The following LRBA variants were observed in gnomAD, a reference collection of about 807,000 sequenced individuals.
LRBA encodes lipopolysaccharide-responsive and beige-like anchor protein.
LRBA carries 176 observed loss-of-function variants against 330.0 expected under a neutral mutation model. The observed-to-expected ratio is 0.53, with a 90% CI of 0.47 to 0.60. LRBA has a LOEUF of 0.60. LRBA is among the 20% of genes least tolerant of loss of function. The pLI is 0.00. For missense variants in LRBA, 3,259 were observed against 3,444.8 expected (o/e 0.95, Z 1.35); for synonymous variants, 1,230 against 1,193.0 (o/e 1.03, Z -0.64).
chr4:150,615,342 C>A (rs992229459), intron 37 of LRBA, among the ~76,000 whole-genome samples: 1 of 152,114 alleles, frequency 6.6e-6, no homozygotes, highest in Non-Finnish European at 1.5e-5. Flanking sequence ...CATGTTTTAA[C>A]GTGATCACTC....
chr4:150,587,301 C>A (rs1006500750), intron 40 of LRBA, among the ~76,000 whole-genome samples: 1 of 152,126 alleles, frequency 6.6e-6, no homozygotes, highest in Admixed American at 6.5e-5. Flanking sequence ...TATCAGCCTG[C>A]AAAATAAATT....
chr4:150,908,681 T>C lies in LRBA; in HGVS notation c.1338A>G (p.Ser446=), dbSNP rs767470367. The C allele has an allele frequency of 6.2e-7, 1 of 1,613,780 alleles. No homozygotes were observed. The highest frequency in any genetic ancestry group is 8.5e-7 in the Non-Finnish European group (1 of 1,179,800). The change falls in exon 10 of 57, where the codon TCA becomes TCG. Residue 446 remains serine (S), a synonymous_variant. Coordinates refer to ENST00000651943, the MANE Select transcript of LRBA (RefSeq NM_001364905.1). The part of the protein sequence containing the change: ...PKDNPSIFVH[S]PHALMLQDVK... ...GTACCTGGAGCATGAGTGCATGTGG[T>C]GAATGAACAAAAATTGAAGGGTTGT...
chr4:150,500,673 G>C (rs1399055221), intron 40 of LRBA, among the ~76,000 whole-genome samples: 1 of 152,212 alleles, frequency 6.6e-6, no homozygotes, highest in Non-Finnish European at 1.5e-5. Flanking sequence ...AGACTATTCT[G>C]TGTAGCAGAT....
At chr4:150,334,527 T>C (rs1734382432) in intron 48 of LRBA, among the ~76,000 whole-genome samples, 1 of 152,122 alleles carries the variant, frequency 6.6e-6, no homozygotes, top group East Asian at 1.9e-4. Context: ...ACACATATAC[T>C]TACATGTGTT....
chr4:150,502,168 A>T (rs116967393), intron 40 of LRBA, among the ~76,000 whole-genome samples: 15 of 152,220 alleles, frequency 9.9e-5, no homozygotes, highest in African/African-American at 3.4e-4. Context: ...GAATCATCCT[A>T]AGAAATTACA....
chr4:150,972,817 T>G (rs898036812), intron 2 of LRBA, among the ~76,000 whole-genome samples: 2 of 152,230 alleles, frequency 1.3e-5, no homozygotes, highest in African/African-American at 4.8e-5. Flanking sequence ...TGCCTGAAAT[T>G]TCATCCAGTA....
At position 150,325,866 on chromosome 4, in the gene LRBA, C is replaced by T; in HGVS notation, c.7395G>A (p.Gln2465=). 1 of 1,613,430 alleles carries T rather than the reference C, an allele frequency of 6.2e-7. No individual in the cohort carries two copies. The highest frequency in any genetic ancestry group is 8.5e-7 in the Non-Finnish European group (1 of 1,179,634). The change falls in exon 49 of 57, where the codon CAG becomes CAA. Residue 2465 remains glutamine, a synonymous_variant. Transcript: ENST00000651943. ...AVEAQIRSFG[Q]TPSQLLIEPH... ...GCTCTATGAGTAGTTGAGAAGGAGT[C>T]TGTCCAAAACTTCGGATTTGAGCTT... is the stretch of plus-strand genomic sequence containing the variant.
chr4:150,949,656 T>C (rs1736614226), intron 2 of LRBA, among the ~76,000 whole-genome samples: 1 of 152,088 alleles, frequency 6.6e-6, no homozygotes, highest in South Asian at 2.1e-4. Flanking sequence ...GTATAAATTG[T>C]CACAGGATTA....
intron 2 of LRBA, among the ~76,000 whole-genome samples, chr4:150,941,346 T>A (rs1735658301): frequency 6.6e-6 from 1 of 151,680 alleles, no homozygotes; most frequent in African/African-American, 2.4e-5. Flanking sequence ...AGAGACAGGG[T>A]TTCACCATTT....
chr4:150,380,447 G>A (rs1581160527), intron 47 of LRBA, among the ~76,000 whole-genome samples: 2 of 152,058 alleles, frequency 1.3e-5, no homozygotes, highest in African/African-American at 2.4e-5. Flanking sequence ...GGATCACCTA[G>A]GGAGTTATTC....
intron 47 of LRBA, among the ~76,000 whole-genome samples, chr4:150,355,442 A>C (rs1436077736): frequency 6.6e-6 from 1 of 152,120 alleles, no homozygotes; most frequent in Non-Finnish European, 1.5e-5. Context: ...TAAAAAAAGA[A>C]ACTAAATAAA....
intron 40 of LRBA, among the ~76,000 whole-genome samples, chr4:150,562,943 G>T (rs1227380755): frequency 6.6e-6 from 1 of 151,984 alleles, no homozygotes; most frequent in Non-Finnish European, 1.5e-5. Flanking sequence ...GGGACTACAG[G>T]CACACACTAC....
At chr4:150,581,728 T>C (rs1261212716) in intron 40 of LRBA, 2 of 152,716 alleles carry the variant, frequency 1.3e-5, no homozygotes, top group African/African-American at 4.8e-5. Flanking sequence ...CTCCTCCTAT[T>C]TTCTTACTTC....
intron 43 of LRBA, among the ~76,000 whole-genome samples, chr4:150,471,170 C>T (rs997757633): frequency 2.0e-5 from 3 of 152,116 alleles, no homozygotes; most frequent in African/African-American, 7.2e-5. Flanking sequence ...ACCATTCTTG[C>T]TCTCTAGGTA....
intron 37 of LRBA, among the ~76,000 whole-genome samples, chr4:150,638,736 C>A (rs1349815532): frequency 7.3e-6 from 1 of 136,536 alleles, no homozygotes; most frequent in African/African-American, 2.8e-5. Flanking sequence ...GAAATAGGAA[C>A]ACTTTTACAC....
intron 28 of LRBA, among the ~76,000 whole-genome samples, chr4:150,833,123 T>G (rs1032943442): frequency 6.6e-6 from 1 of 151,632 alleles, no homozygotes; most frequent in Non-Finnish European, 1.5e-5. Context: ...CAATTATATA[T>G]CAAGATTTAA....
rs1465664602 is a variant in LRBA, at chr4:150,543,713, C to T, written c.6330+44335G>A. 7.2e-5 allele frequency among the ~76,000 whole-genome samples: 11 copies of T among 152,048 alleles called. 1 individual carries two copies. The highest frequency in any genetic ancestry group is 7.2e-4 in the Admixed American group (11 of 15,266). ...CGAGAAAAGGTTTCAACAGCAGCAA[C>T]ACTAGAAATAACCAATTTCTTATTC... On this transcript the variant is annotated intron_variant, in intron 40 of 56. Transcript: ENST00000651943.
chr4:150,399,092 T>C (rs565325693), intron 47 of LRBA, among the ~76,000 whole-genome samples: 1 of 152,294 alleles, frequency 6.6e-6, no homozygotes, highest in Non-Finnish European at 1.5e-5. Context: ...TACCTTAAAA[T>C]TGCTATGCAC....
chr4:150,601,208 A>G (rs1774076847), intron 37 of LRBA, among the ~76,000 whole-genome samples: 1 of 152,228 alleles, frequency 6.6e-6, no homozygotes, highest in African/African-American at 2.4e-5. Context: ...TTAATTTGTC[A>G]TTCATCCATC....
Sources: allele counts gnomAD v4.1 joint callset (sites outside exome capture counted in the v4.1 genomes callset), GRCh38; gene constraint gnomAD v4.1.1; transcripts MANE v1.5; gene names NCBI Gene and HGNC (gene_info 2026-07-23, HGNC 2026-07-21).